SPATA1: variants seen among roughly 807,000 people sequenced by gnomAD.
The protein encoded by SPATA1 is spermatogenesis associated 1, also known as spermatogenesis-associated protein 1.
Under a neutral mutation model 59.6 loss-of-function variants are expected in SPATA1, and 57 were observed. The observed-to-expected ratio is 0.96, with a 90% CI of 0.77 to 1.19. The LOEUF (loss-of-function observed/expected upper bound fraction) is 1.19. Ranked by LOEUF, SPATA1 falls within the 50% of genes most tolerant of loss-of-function variation. The pLI, the probability that SPATA1 is intolerant of heterozygous loss-of-function variation, is 0.00. For synonymous variants in SPATA1, 147 were observed against 163.9 expected (o/e 0.90, Z 0.79); for missense variants, 448 against 480.7 (o/e 0.93, Z 0.64).
chr1:84,539,564 T>C (rs945694687), intron 8 of SPATA1, among the ~76,000 whole-genome samples: 9 of 152,246 alleles, frequency 5.9e-5, no homozygotes, highest in African/African-American at 2.2e-4. Flanking sequence ...ATTTCCCTGG[T>C]TACCCTTATA....
intron 12 of SPATA1, chr1:84,551,227 TA>T: frequency 1.0e-6 from 1 of 985,266 alleles, no homozygotes; most frequent in Non-Finnish European, 1.2e-6. Context: ...ATGAGAACGA[TA>T]ATTATATGAA....
exon 13 of SPATA1, chr1:84,553,151 TA>T (rs1558618945): frequency 7.9e-7 from 1 of 1,266,492 alleles, no homozygotes; most frequent in Non-Finnish European, 1.1e-6. Flanking sequence ...CTTTTATTTG[TA>T]AAAAAATTTA....
At chr1:84,522,350 A>C (rs769526236) in intron 3 of SPATA1, 40 bp from the exon 4 acceptor site, 45 of 1,212,010 alleles carry the variant, frequency 3.7e-5, no homozygotes, top group Non-Finnish European at 4.9e-5. Flanking sequence ...TCCAAAATCT[A>C]TTTCATTTTA....
At chr1:84,530,739 C>T (rs1408877988) in intron 6 of SPATA1, among the ~76,000 whole-genome samples, 1 of 152,204 alleles carries the variant, frequency 6.6e-6, no homozygotes, top group African/African-American at 2.4e-5. Context: ...TGAAGTCATA[C>T]ATGTTATGGC....
At chr1:84,537,879 T>C (rs1683762821) in intron 8 of SPATA1, among the ~76,000 whole-genome samples, 1 of 152,204 alleles carries the variant, frequency 6.6e-6, no homozygotes, top group Non-Finnish European at 1.5e-5. Flanking sequence ...CCTTAATTCA[T>C]GAATGTATAC....
At chr1:84,545,496 C>T in intron 9 of SPATA1, 138 bp from the exon 10 acceptor site, 3 of 929,058 alleles carry the variant, frequency 3.2e-6, no homozygotes, top group Middle Eastern at 3.4e-4. Flanking sequence ...AAATGCTATA[C>T]TGTAGCAAGA....
chr1:84,550,206 C>T (rs538733277), intron 11 of SPATA1: 72 of 299,088 alleles, frequency 2.4e-4, no homozygotes, highest in African/African-American at 1.2e-3. Context: ...TTGGTTTTTA[C>T]GATGCTAATT....
intron 12 of SPATA1, chr1:84,551,239 T>G: frequency 1.0e-6 from 1 of 984,994 alleles, no homozygotes; most frequent in African/African-American, 1.7e-5. Context: ...ATTATATGAA[T>G]GCTCTCATTT....
chr1:84,553,277 A>C (rs1262078676), exon 13 of SPATA1: 1 of 475,718 alleles, frequency 2.1e-6, no homozygotes, highest in Non-Finnish European at 3.7e-6. Flanking sequence ...TGTTTCAGGA[A>C]ATATTAGATG....
intron 11 of SPATA1, chr1:84,549,908 G>T (rs956127894): frequency 6.6e-6 from 1 of 150,600 alleles, no homozygotes; most frequent in Non-Finnish European, 1.5e-5. Flanking sequence ...TTATCTTACT[G>T]TTTAATCAGT....
chr1:84,507,965 T>C (rs916548258), intron 1 of SPATA1, among the ~76,000 whole-genome samples: 3 of 152,122 alleles, frequency 2.0e-5, no homozygotes, highest in Non-Finnish European at 2.9e-5. Flanking sequence ...GTTTAAAGAT[T>C]CTATTTAGGA....
intron 11 of SPATA1, 122 bp downstream of exon 11, chr1:84,549,086 A>G: frequency 1.0e-6 from 1 of 962,194 alleles, no homozygotes; most frequent in Non-Finnish European, 1.4e-6. Context: ...TTAAAACAAT[A>G]AAAAAACTCA....
intron 2 of SPATA1, among the ~76,000 whole-genome samples, 197 bp downstream of exon 2, chr1:84,516,592 A>G (rs1232769818): frequency 6.6e-6 from 1 of 152,038 alleles, no homozygotes; most frequent in Non-Finnish European, 1.5e-5. Context: ...GCATATTGGG[A>G]TCCCCAATGC....
chr1:84,508,550 G>C (rs1682387488), intron 1 of SPATA1, among the ~76,000 whole-genome samples: 1 of 152,176 alleles, frequency 6.6e-6, no homozygotes, highest in African/African-American at 2.4e-5. Context: ...CAAGTAATCT[G>C]TCACTTTATG....
rs1050094915 is a variant in SPATA1 at position 84,560,486 on chromosome 1, A to G, written n.442+4507A>G. 2.2e-4 allele frequency among the ~76,000 whole-genome samples: 34 copies of G among 152,312 alleles called. 1 individual carries two copies. The highest frequency in any genetic ancestry group is 6.8e-3 in the Middle Eastern group (2 of 294). On this transcript the variant is annotated intron_variant and non_coding_transcript_variant, in intron 4 of 4. Transcript: ENST00000460286. ...TCGTTGAACCTAAGCACAAAAATGG[A>G]CAGTTTTTCCTGTATCTTTGGGTTT...
In SPATA1 at chr1:84,515,491, G is replaced by A. The variant is rs551084805; in HGVS notation, c.-137-732G>A. ...AATCCTTATTTTAACATAAATCAAG[G>A]AAGAGCAATGCTTTGAAATCTAGAA... On this transcript the variant is annotated intron_variant, in intron 1 of 12. Transcript: ENST00000490879. 3.3e-5 allele frequency among the ~76,000 whole-genome samples: 5 copies of A among 152,206 alleles called. No individual in the cohort carries two copies. The South Asian group carries it at 1.0e-3, about 32-fold the overall frequency.
At chr1:84,548,617 A>T (rs1684167641) in intron 10 of SPATA1, among the ~76,000 whole-genome samples, 169 bp from the exon 11 acceptor site, 1 of 149,042 alleles carries the variant, frequency 6.7e-6, no homozygotes, top group African/African-American at 2.4e-5. Context: ...TTTCTTCCTC[A>T]GGTCTAATGA....
At chr1:84,514,495 A>G (rs931281628) in intron 1 of SPATA1, among the ~76,000 whole-genome samples, 1 of 152,198 alleles carries the variant, frequency 6.6e-6, no homozygotes, top group African/African-American at 2.4e-5. Flanking sequence ...AAATGCTCCA[A>G]TGAGCATTTC....
intron 2 of SPATA1, among the ~76,000 whole-genome samples, chr1:84,517,992 G>A (rs572133820): frequency 1.3e-4 from 19 of 151,886 alleles, no homozygotes; most frequent in African/African-American, 7.3e-5. Flanking sequence ...TATTATTGCC[G>A]CAAGTAGTAA....
Sources: gnomAD v4.1 joint callset for allele counts (sites outside exome capture counted in the v4.1 genomes callset) on GRCh38, gnomAD v4.1.1 for gene constraint, MANE v1.5 for transcripts, NCBI Gene and HGNC (gene_info 2026-07-23, HGNC 2026-07-21) for gene names.